Variants in LRRTM4 observed in about 807,000 individuals in gnomAD.
LRRTM4 encodes the protein leucine-rich repeat transmembrane neuronal protein 4.
Under a neutral mutation model 47.6 loss-of-function variants are expected in LRRTM4, and 25 were observed. The ratio of observed to expected loss-of-function variants is 0.53; its 90% CI spans 0.38 to 0.73. The LOEUF (loss-of-function observed/expected upper bound fraction) is 0.73. LRRTM4 is among the 30% of genes least tolerant of loss of function. The probability of loss-of-function intolerance (pLI) is 0.00; values close to 1 mark genes in which losing one functional copy is unlikely to be tolerated. For synonymous variants in LRRTM4, 311 were observed against 269.5 expected (o/e 1.15, Z -1.51); for missense variants, 638 against 713.4 (o/e 0.89, Z 1.20).
chr2:76,983,070 C>T (rs1337831447), intron 3 of LRRTM4, among the ~76,000 whole-genome samples: 1 of 152,034 alleles, frequency 6.6e-6, no homozygotes, highest in African/African-American at 2.4e-5. Context: ...GTGTCCTTTA[C>T]ATTCAAACAG....
intron 3 of LRRTM4, among the ~76,000 whole-genome samples, chr2:77,115,590 A>C (rs145835728): frequency 6.6e-5 from 10 of 152,062 alleles, no homozygotes; most frequent in African/African-American, 2.2e-4. Context: ...GGGGTCCCTG[A>C]CTTCCCTCAA....
chr2:77,030,539 A>C (rs1392203806), intron 3 of LRRTM4, among the ~76,000 whole-genome samples: 3 of 152,198 alleles, frequency 2.0e-5, no homozygotes, highest in African/African-American at 7.2e-5. Context: ...AGTGAATATA[A>C]ATACTTCCAA....
In LRRTM4 at chr2:77,294,920, G is replaced by A. The variant is rs148598548; in HGVS notation, c.1551+223398C>T. 8.9e-3 allele frequency among the ~76,000 whole-genome samples: 1,350 copies of A among 152,026 alleles called. 11 individuals are homozygous for A. The highest frequency in any genetic ancestry group is 0.014 in the Non-Finnish European group (927 of 67,938). On this transcript the variant is annotated intron_variant, in intron 3 of 3. Coordinates refer to ENST00000409884, the MANE Select transcript of LRRTM4 (RefSeq NM_001134745.3). ...CTGAAAAAATCTAAACAGTATATAT[G>A]ATTTTTTCTGTATTTAACTCATGTG...
At chr2:76,908,057 C>G (rs1240752479) in intron 3 of LRRTM4, among the ~76,000 whole-genome samples, 1 of 151,918 alleles carries the variant, frequency 6.6e-6, no homozygotes, top group Non-Finnish European at 1.5e-5. Context: ...GAATTTTAGA[C>G]CAATATCCTT....
At chr2:77,121,654 A>G (rs1671523437) in intron 3 of LRRTM4, among the ~76,000 whole-genome samples, 1 of 151,854 alleles carries the variant, frequency 6.6e-6, no homozygotes, top group Non-Finnish European at 1.5e-5. Flanking sequence ...CATAAATGTT[A>G]TTGTACAACC....
At chr2:77,081,440 TAATG>T (rs1287794629) in intron 3 of LRRTM4, among the ~76,000 whole-genome samples, 21 of 152,122 alleles carry the variant, frequency 1.4e-4, no homozygotes, top group South Asian at 1.2e-3. Context: ...CATAGAAAGT[TAATG>T]AATAGAAAAT....
intron 3 of LRRTM4, among the ~76,000 whole-genome samples, chr2:77,355,739 G>A (rs901125942): frequency 3.3e-5 from 5 of 152,116 alleles, no homozygotes; most frequent in Non-Finnish European, 7.4e-5. Context: ...TTGTCTAATT[G>A]GCTCTGGTGC....
intron 3 of LRRTM4, among the ~76,000 whole-genome samples, chr2:77,400,576 T>C (rs530373915): frequency 1.1e-4 from 16 of 152,034 alleles, no homozygotes; most frequent in Middle Eastern, 3.4e-3. Flanking sequence ...CATGATGATA[T>C]AGAGCAGCCA....
At chr2:76,884,257 GAAGA>G (rs1402514501) in intron 3 of LRRTM4, among the ~76,000 whole-genome samples, 4 of 152,170 alleles carry the variant, frequency 2.6e-5, no homozygotes, top group Non-Finnish European at 5.9e-5. Flanking sequence ...ATTTAGGGAA[GAAGA>G]AAGAGTCTAA....
At chr2:77,486,420 T>C (rs1177532919) in intron 3 of LRRTM4, among the ~76,000 whole-genome samples, 1 of 152,194 alleles carries the variant, frequency 6.6e-6, no homozygotes, top group Non-Finnish European at 1.5e-5. Context: ...ATTCTTTCAA[T>C]TGGAATGTAA....
At chr2:77,482,702 T>C (rs62162643) in intron 3 of LRRTM4, among the ~76,000 whole-genome samples, 9,036 of 152,236 alleles carry the variant, frequency 0.059, 423 homozygotes, top group Admixed American at 0.17. Context: ...CAAAAGCAAG[T>C]TTTTAAATGT....
intron 3 of LRRTM4, among the ~76,000 whole-genome samples, chr2:76,836,777 G>C (rs1305138241): frequency 1.3e-5 from 2 of 152,042 alleles, no homozygotes; most frequent in African/African-American, 4.8e-5. Flanking sequence ...AGCCAATACA[G>C]AACAGAATAT....
At chr2:77,055,069 G>A (rs1041045825) in intron 3 of LRRTM4, among the ~76,000 whole-genome samples, 3 of 152,102 alleles carry the variant, frequency 2.0e-5, no homozygotes, top group East Asian at 1.9e-4. Context: ...TCCCAAGGAG[G>A]TAACAGTGCC....
intron 3 of LRRTM4, among the ~76,000 whole-genome samples, chr2:77,059,284 T>C (rs1394486481): frequency 2.0e-5 from 3 of 152,212 alleles, no homozygotes; most frequent in African/African-American, 7.2e-5. Context: ...TGGAAGGCCA[T>C]TTGTCTTTCA....
intron 3 of LRRTM4, among the ~76,000 whole-genome samples, chr2:76,942,359 T>C (rs998136631): frequency 5.3e-5 from 8 of 152,158 alleles, no homozygotes; most frequent in African/African-American, 1.4e-4. Flanking sequence ...TTGATTTTGG[T>C]TAAACACATT....
intron 3 of LRRTM4, among the ~76,000 whole-genome samples, chr2:76,990,888 C>T (rs775732826): frequency 1.3e-5 from 2 of 151,612 alleles, no homozygotes; most frequent in African/African-American, 2.4e-5. Flanking sequence ...AGATTGACCA[C>T]ATGCTTGGCT....
At chr2:76,944,648 A>G (rs1675263359) in intron 3 of LRRTM4, among the ~76,000 whole-genome samples, 1 of 152,138 alleles carries the variant, frequency 6.6e-6, no homozygotes, top group Non-Finnish European at 1.5e-5. Context: ...CAAAAGAAAA[A>G]TTTAAAACTC....
chr2:77,051,874 A>G (rs892073806), intron 3 of LRRTM4, among the ~76,000 whole-genome samples: 3 of 152,186 alleles, frequency 2.0e-5, no homozygotes, highest in Non-Finnish European at 4.4e-5. Context: ...GGAAGCATCT[A>G]TGTAAATCAG....
intron 3 of LRRTM4, among the ~76,000 whole-genome samples, chr2:77,320,460 AT>A (rs1463216265): frequency 6.6e-6 from 1 of 152,286 alleles, no homozygotes; most frequent in East Asian, 1.9e-4. Flanking sequence ...CGCATGAGAT[AT>A]TTGAAATTAC....
Sources: gnomAD v4.1 joint callset for allele counts (sites outside exome capture counted in the v4.1 genomes callset) on GRCh38, gnomAD v4.1.1 for gene constraint, MANE v1.5 for transcripts, NCBI Gene and HGNC (gene_info 2026-07-23, HGNC 2026-07-21) for gene names.